Variants in UMAD1 observed in about 807,000 individuals in gnomAD.
UMAD1 encodes UBAP1-MVB12-associated (UMA) domain containing 1, also known as UBAP1-MVB12-associated (UMA)-domain containing protein 1.
In UMAD1, 8 loss-of-function variants were observed where a neutral mutation model predicts 6.1. The observed-to-expected ratio is 1.30, with a 90% CI of 0.76 to 2.35. The LOEUF (loss-of-function observed/expected upper bound fraction) is 2.35. UMAD1 is among the 30% of genes most tolerant of loss of function. UMAD1 has a pLI of 0.00. For synonymous variants in UMAD1, 56 were observed against 31.4 expected, an observed-to-expected ratio of 1.78 and a Z score of -2.61; for missense variants, 130 against 78.4, an observed-to-expected ratio of 1.66 and a Z score of -2.49.
At chr7:7,739,888 G>A (rs1185991397) in intron 2 of UMAD1, among the ~76,000 whole-genome samples, 2 of 152,234 alleles carry the variant, frequency 1.3e-5, no homozygotes, top group Non-Finnish European at 2.9e-5. Context: ...CTATACAAAG[G>A]AGAGCACAGG....
intron 3 of UMAD1, among the ~76,000 whole-genome samples, chr7:7,862,963 A>AT (rs1254118856): frequency 1.3e-5 from 2 of 152,082 alleles, no homozygotes; most frequent in African/African-American, 4.8e-5. Flanking sequence ...TCAGTAAAAC[A>AT]TTTTTTTGTG....
intron 2 of UMAD1, among the ~76,000 whole-genome samples, chr7:7,726,210 T>C (rs1427919236): frequency 1.3e-5 from 2 of 152,324 alleles, no homozygotes; most frequent in Non-Finnish European, 1.5e-5. Context: ...ATGTGAGTGC[T>C]CACTAACGGG....
intron 2 of UMAD1, among the ~76,000 whole-genome samples, chr7:7,793,540 A>T (rs1782611141): frequency 6.6e-6 from 1 of 152,156 alleles, no homozygotes; most frequent in Non-Finnish European, 1.5e-5. Context: ...GATATTTTTA[A>T]GTACTGGGGC....
chr7:7,752,548 A>G (rs918884409), intron 2 of UMAD1, among the ~76,000 whole-genome samples: 5 of 152,128 alleles, frequency 3.3e-5, no homozygotes, highest in African/African-American at 7.2e-5. Context: ...CCCAAATTTT[A>G]CAGTGATCCT....
chr7:7,787,979 G>T (rs1782491243), intron 2 of UMAD1, among the ~76,000 whole-genome samples: 1 of 152,062 alleles, frequency 6.6e-6, no homozygotes, highest in Non-Finnish European at 1.5e-5. Flanking sequence ...ATTTTTCTGA[G>T]ACTATTGCCA....
intron 3 of UMAD1, among the ~76,000 whole-genome samples, chr7:7,807,410 C>T (rs988343547): frequency 2.0e-5 from 3 of 151,962 alleles, no homozygotes; most frequent in African/African-American, 7.3e-5. Context: ...ATCTCAATGG[C>T]TGGTAATAAG....
At chr7:7,806,595 A>G (rs1250301774) in intron 3 of UMAD1, among the ~76,000 whole-genome samples, 3 of 152,202 alleles carry the variant, frequency 2.0e-5, no homozygotes, top group African/African-American at 7.2e-5. Flanking sequence ...ACTTTACATA[A>G]TAAACAGACA....
In UMAD1 at chr7:7,870,086, A is replaced by G. The variant is rs1784307107; in HGVS notation, c.157-7195A>G. On this transcript the variant is annotated intron_variant, in intron 3 of 3. Coordinates refer to ENST00000682710, the MANE Select transcript of UMAD1 (RefSeq NM_001302348.2). ...TAAAGATAATAGAATGTAAGGAATG[A>G]AAATAAATTTGGCCAGTCAATTTTT... Among the ~76,000 whole-genome samples the G allele has an allele frequency of 1.3e-5, 2 of 152,246 alleles. 1 individual carries two copies. Among genetic ancestry groups the G allele is most frequent in the South Asian group, 4.1e-4 (2 of 4,832 alleles).
intron 1 of UMAD1, among the ~76,000 whole-genome samples, chr7:7,666,113 T>C (rs753485490): frequency 9.8e-5 from 15 of 152,318 alleles, no homozygotes; most frequent in Non-Finnish European, 1.6e-4. Flanking sequence ...CATATTACCC[T>C]TCTACCACAA....
At chr7:7,717,898 T>C (rs935802888) in intron 2 of UMAD1, among the ~76,000 whole-genome samples, 13 of 152,354 alleles carry the variant, frequency 8.5e-5, no homozygotes, top group African/African-American at 2.6e-4. Context: ...AAAATCTGTT[T>C]ACCAAACTTT....
intron 2 of UMAD1, among the ~76,000 whole-genome samples, chr7:7,712,865 T>G (rs990804608): frequency 2.0e-5 from 3 of 152,168 alleles, no homozygotes; most frequent in African/African-American, 7.2e-5. Flanking sequence ...ATAATAGGCA[T>G]AGAGTGTTGT....
At chr7:7,751,545 C>G (rs1344384101) in intron 2 of UMAD1, among the ~76,000 whole-genome samples, 1 of 152,186 alleles carries the variant, frequency 6.6e-6, no homozygotes. Flanking sequence ...TTTGCACTAA[C>G]ACTTCCTATA....
rs137874749 is a variant in UMAD1 at position 7,739,298 on chromosome 7, T to C, written c.83-62372T>C. Among the ~76,000 whole-genome samples the C allele has an allele frequency of 1.9e-4, 29 of 152,342 alleles. 1 individual carries two copies. Among genetic ancestry groups the C allele is most frequent in the African/African-American group, 6.0e-4 (25 of 41,578 alleles). On this transcript the variant is annotated intron_variant, in intron 2 of 3. Transcript: ENST00000682710. ...AGTCAATAATATAGCTCACTGTCAT[T>C]ACCTTGCCTGGTCCCTGTGAAATTT...
At chr7:7,772,617 G>T (rs1782123034) in intron 2 of UMAD1, among the ~76,000 whole-genome samples, 2 of 152,212 alleles carry the variant, frequency 1.3e-5, no homozygotes, top group African/African-American at 4.8e-5. Flanking sequence ...ATTGAAAGTA[G>T]TGTGGTTTGT....
intron 2 of UMAD1, among the ~76,000 whole-genome samples, chr7:7,779,883 A>G (rs1316399750): frequency 6.6e-6 from 1 of 152,138 alleles, no homozygotes; most frequent in Non-Finnish European, 1.5e-5. Flanking sequence ...AACTCAAGCG[A>G]TCCGCCAGCC....
chr7:7,815,828 G>A (rs1783114556), intron 3 of UMAD1, among the ~76,000 whole-genome samples: 2 of 152,074 alleles, frequency 1.3e-5, no homozygotes, highest in Admixed American at 6.6e-5. Context: ...TGAAAGGAAG[G>A]ATGAATATTG....
chr7:7,693,305 A>ATCTATCTATCTG (rs1471284391), intron 2 of UMAD1, among the ~76,000 whole-genome samples: 3 of 151,744 alleles, frequency 2.0e-5, no homozygotes, highest in South Asian at 2.1e-4. Flanking sequence ...TTATCTATCT[A>ATCTATCTATCTG]TCTATCTATC....
At chr7:7,728,381 C>T (rs1781182833) in intron 2 of UMAD1, among the ~76,000 whole-genome samples, 1 of 152,148 alleles carries the variant, frequency 6.6e-6, no homozygotes, top group Non-Finnish European at 1.5e-5. Flanking sequence ...CACAGTGGCT[C>T]ACACCTGTAA....
intron 1 of UMAD1, among the ~76,000 whole-genome samples, chr7:7,652,331 C>T (rs768292021): frequency 6.6e-6 from 1 of 152,184 alleles, no homozygotes; most frequent in African/African-American, 2.4e-5. Flanking sequence ...AAGTTTGACT[C>T]AGACTTTGAG....
Sources: allele counts gnomAD v4.1 joint callset (sites outside exome capture counted in the v4.1 genomes callset), GRCh38; gene constraint gnomAD v4.1.1; transcripts MANE v1.5; gene names NCBI Gene and HGNC (gene_info 2026-07-23, HGNC 2026-07-21).